Variants in WDFY4 observed in about 807,000 individuals in gnomAD.
The protein encoded by WDFY4 is WD repeat- and FYVE domain-containing protein 4.
In WDFY4, 169 loss-of-function variants were observed where a neutral mutation model predicts 351.9. That is an observed-to-expected ratio of 0.48 (90% confidence interval 0.42 to 0.55). WDFY4 has a LOEUF of 0.55. WDFY4 is among the 20% of genes least tolerant of loss of function. The pLI is 0.00. For missense variants in WDFY4, 3,803 were observed against 3,935.6 expected (o/e 0.97, Z 0.90); for synonymous variants, 1,622 against 1,574.6 (o/e 1.03, Z -0.71).
chr10:48,832,624 A>G lies in WDFY4; in HGVS notation c.6578A>G (p.Lys2193Arg). Reference protein sequence around the residue: ...ASRSNVAHHSKVTLWSGSLSS... With the variant: ...ASRSNVAHHSRVTLWSGSLSS... The stretch of plus-strand genomic sequence containing the variant: ...CGTTCAAATGTTGCACACCACAGCA[A>G]AGTCACTTTGTGGAGTGGAAGCCTG... Residue 2193 changes from lysine to arginine, a missense_variant, in exon 39 of 62, where the codon AAA becomes AGA. Physicochemically the swap from Lys to Arg is conservative, Grantham distance 26 (BLOSUM62 2). Coordinates refer to ENST00000325239, the MANE Select transcript of WDFY4 (RefSeq NM_001394531.1). 1.3e-6 allele frequency: 2 copies of G among 1,551,278 alleles called. No homozygotes were observed. The highest frequency in any genetic ancestry group is 1.7e-6 in the Non-Finnish European group (2 of 1,146,698).
chr10:48,934,650 T>G (rs1840240718), intron 47 of WDFY4, among the ~76,000 whole-genome samples: 1 of 152,198 alleles, frequency 6.6e-6, no homozygotes, highest in Non-Finnish European at 1.5e-5. Context: ...CCAGACTTCT[T>G]AAAACATGGA....
chr10:48,704,432 G>A (rs924528826), intron 1 of WDFY4, among the ~76,000 whole-genome samples: 7 of 152,070 alleles, frequency 4.6e-5, no homozygotes, highest in South Asian at 2.1e-4. Flanking sequence ...GACACAGCAC[G>A]GCCGGCAGGG....
chr10:48,878,899 G>A (rs17699605), intron 43 of WDFY4, among the ~76,000 whole-genome samples: 15,161 of 152,294 alleles, frequency 0.1, 938 homozygotes, highest in Middle Eastern at 0.21. Context: ...ACTGATGAAT[G>A]ACGTGCTAAA....
chr10:48,946,304 G>A, intron 50 of WDFY4, 147 bp downstream of exon 50: 1 of 680,066 alleles, frequency 1.5e-6, no homozygotes, highest in Non-Finnish European at 2.5e-6. Flanking sequence ...AAGTGCCTGG[G>A]GAGCTTCTAG....
intron 39 of WDFY4, among the ~76,000 whole-genome samples, chr10:48,854,683 CA>C (rs1381246483): frequency 1.3e-5 from 2 of 152,152 alleles, no homozygotes; most frequent in African/African-American, 4.8e-5. Context: ...TTCTGCTTCC[CA>C]CACTGTTATT....
intron 1 of WDFY4, among the ~76,000 whole-genome samples, chr10:48,689,929 C>T (rs1201925547): frequency 6.6e-6 from 1 of 152,192 alleles, no homozygotes; most frequent in Non-Finnish European, 1.5e-5. Context: ...GTTCTTTGCC[C>T]TTGAAGAGTG....
intron 45 of WDFY4, 126 bp downstream of exon 45, chr10:48,897,700 C>T (rs1837154920): frequency 1.4e-6 from 2 of 1,399,044 alleles, no homozygotes. Context: ...AGCCCAGTGC[C>T]CTTAAGGAGA....
intron 49 of WDFY4, among the ~76,000 whole-genome samples, chr10:48,944,701 G>A (rs946408849): frequency 3.9e-5 from 6 of 152,194 alleles, no homozygotes; most frequent in African/African-American, 1.2e-4. Context: ...ATGGTCCATC[G>A]GAGGCTGAGG....
rs181771221 is a variant in WDFY4, at chr10:48,901,502, T to G, written c.7524-299T>G. Among the ~76,000 whole-genome samples the G allele has an allele frequency of 7.1e-3, 1,086 of 152,358 alleles. 8 individuals are homozygous for G. The highest frequency in any genetic ancestry group is 9.2e-3 in the Non-Finnish European group (629 of 68,034). On this transcript the variant is annotated intron_variant, in intron 46 of 61. Transcript: ENST00000325239. ...CGCACTGGAATGTACAGCAGGATTG[T>G]TGACATTGGCAATGTTGTCAACTGC... is the stretch of plus-strand genomic sequence containing the variant.
chr10:48,923,506 A>ATATATATATATATATATATGTATGTATG lies in WDFY4; in HGVS notation c.7587-18293_7587-18292insATATATATATATGTATGTATGTATATAT, dbSNP rs143983467. Among the ~76,000 whole-genome samples the ATATATATATATATATATATGTATGTATG allele has an allele frequency of 9.0e-4, 104 of 115,136 alleles. 13 individuals carry two copies. Among genetic ancestry groups the ATATATATATATATATATATGTATGTATG allele is most frequent in the Non-Finnish European group, 1.4e-3 (74 of 51,208 alleles). The allele number at this position is 115,136 out of a possible 152,430, so 75.5% of individuals were successfully genotyped here. A position where few individuals can be genotyped will look rare whatever the true frequency, so the allele number is the denominator to read the frequency against. On this transcript the variant is annotated intron_variant, in intron 47 of 61. Transcript: ENST00000325239. Reference sequence around the variant, plus strand: ...AACAAATAGTTTTTAGTATATATATATATATATGTCCCAAATACCGCATAG... The same window carrying ATATATATATATATATATATGTATGTATG: ...AACAAATAGTTTTTAGTATATATATATATATATATATATATATATGTATGTATGTATATATGTCCCAAATACCGCATAG...
rs1035139281 is a variant in WDFY4 at position 48,813,946 on chromosome 10, T to A, written c.5215-11T>A. On this transcript the variant is annotated splice_polypyrimidine_tract_variant and intron_variant, in intron 30 of 61. Transcript: ENST00000325239. ...CGCAGGTCTGCTTACAGCTCCTGCC[T>A]CCTCTTCCAGGACAGCCTTGATGCC... 6 of 1,529,092 alleles carry A rather than the reference T, an allele frequency of 3.9e-6. No homozygotes were observed. In the Admixed American group the frequency reaches 6.2e-5, roughly 16 times the overall value. The allele number at this position is 1,529,092 out of a possible 1,614,324, so 94.7% of individuals were successfully genotyped here.
At chr10:48,804,448 C>T (rs936204346) in intron 25 of WDFY4, among the ~76,000 whole-genome samples, 1 of 151,722 alleles carries the variant, frequency 6.6e-6, no homozygotes, top group African/African-American at 2.4e-5. Flanking sequence ...GGTAGAGGAG[C>T]ATCTGTCTTC....
chr10:48,882,403 C>G (rs2070289690), intron 43 of WDFY4, among the ~76,000 whole-genome samples: 1 of 152,198 alleles, frequency 6.6e-6, no homozygotes, highest in Non-Finnish European at 1.5e-5. Context: ...ATGTCAACAG[C>G]TAGATGTCAG....
intron 28 of WDFY4, 32 bp downstream of exon 28, chr10:48,807,990 G>A (rs772485489): frequency 6.7e-7 from 1 of 1,500,220 alleles, no homozygotes. Flanking sequence ...AATTTGGCAG[G>A]AGGTTACCTC....
intron 40 of WDFY4, among the ~76,000 whole-genome samples, chr10:48,869,607 A>G (rs1187462603): frequency 1.3e-5 from 2 of 151,458 alleles, no homozygotes; most frequent in Non-Finnish European, 2.9e-5. Context: ...CCCTGTTCAG[A>G]TTCCCCTTTG....
chr10:48,774,683 C>T lies in WDFY4; in HGVS notation c.2768+11C>T, dbSNP rs776427842. 5.5e-5 allele frequency: 86 copies of T among 1,551,600 alleles called. No homozygotes were observed. Among genetic ancestry groups the T allele is most frequent in the Non-Finnish European group, 7.4e-5 (85 of 1,146,918 alleles). ...ACCGGATGTGCTAAGGTACCACATG[C>T]TGCATATTCAGTGCCGCCAAGCTGG... On this transcript the variant is annotated intron_variant, in intron 14 of 61. Coordinates refer to ENST00000325239, the MANE Select transcript of WDFY4 (RefSeq NM_001394531.1).
rs1022558930 is a variant in WDFY4, at chr10:48,782,635, G to A, written c.3576+2516G>A. ...GGACCAGCAAGTGAAACTCAACCAA[G>A]ATAAACATAAAGGCCTGTGTTTTGA... On this transcript the variant is annotated intron_variant, in intron 19 of 61. Coordinates refer to ENST00000325239, the MANE Select transcript of WDFY4 (RefSeq NM_001394531.1). Among the ~76,000 whole-genome samples the A allele has an allele frequency of 9.2e-5, 14 of 152,208 alleles. 1 individual carries two copies. The highest frequency in any genetic ancestry group is 1.5e-5 in the Non-Finnish European group (1 of 68,036).
rs2069942375 is a variant in WDFY4 at position 48,875,062 on chromosome 10, T to A, written c.6949-27T>A. 3 of 1,427,526 alleles carry A rather than the reference T, an allele frequency of 2.1e-6. No homozygotes were observed. In the African/African-American group the frequency reaches 4.4e-5, roughly 21 times the overall value. 88.4% of individuals were successfully genotyped at this position (1,427,526 alleles called of 1,614,324 possible). A position where few individuals can be genotyped will look rare whatever the true frequency, so the allele number is the denominator to read the frequency against. On this transcript the variant is annotated intron_variant, in intron 41 of 61. Transcript: ENST00000325239. ...CATAGATGTAGCATCCAGGATTTAATTTTTCTTTTCAATGTCCTTATTTCA... is the reference window on the plus strand; with the variant it reads ...CATAGATGTAGCATCCAGGATTTAAATTTTCTTTTCAATGTCCTTATTTCA...
chr10:48,779,684 T>C (rs1198674619), intron 18 of WDFY4, among the ~76,000 whole-genome samples: 1 of 152,192 alleles, frequency 6.6e-6, no homozygotes, highest in Non-Finnish European at 1.5e-5. Context: ...AAATTGGGCA[T>C]GTATGAGCGC....
Sources: gnomAD v4.1 joint callset for allele counts (sites outside exome capture counted in the v4.1 genomes callset) on GRCh38, gnomAD v4.1.1 for gene constraint, MANE v1.5 for transcripts, NCBI Gene and HGNC (gene_info 2026-07-23, HGNC 2026-07-21) for gene names.